The following PRORP variants were observed in gnomAD, a reference collection of about 807,000 sequenced individuals.
PRORP encodes the protein protein only RNase P catalytic subunit.
In PRORP, 51 loss-of-function variants were observed where a neutral mutation model predicts 59.4. The observed-to-expected ratio is 0.86, with a 90% CI of 0.69 to 1.08. The LOEUF (loss-of-function observed/expected upper bound fraction) is 1.08. PRORP is among the 50% of genes least tolerant of loss of function. The probability of loss-of-function intolerance (pLI) is 0.00; values close to 1 mark genes in which losing one functional copy is unlikely to be tolerated. For missense variants in PRORP, 646 were observed against 690.3 expected (o/e 0.94, Z 0.72); for synonymous variants, 231 against 245.6 (o/e 0.94, Z 0.55).
At chr14:35,225,877 T>C (rs73237002) in intron 5 of PRORP, among the ~76,000 whole-genome samples, 167 of 152,068 alleles carry the variant, frequency 1.1e-3, no homozygotes, top group African/African-American at 3.8e-3. Context: ...CGAAACCCCA[T>C]CTTTAAAAAA....
intron 4 of PRORP, among the ~76,000 whole-genome samples, chr14:35,159,865 A>G (rs2048014356): frequency 6.6e-6 from 1 of 152,190 alleles, no homozygotes; most frequent in African/African-American, 2.4e-5. Flanking sequence ...GTTTAACCAT[A>G]CTGGTAATTC....
At chr14:35,202,970 G>A (rs570753517) in intron 5 of PRORP, among the ~76,000 whole-genome samples, 1 of 152,152 alleles carries the variant, frequency 6.6e-6, no homozygotes, top group Non-Finnish European at 1.5e-5. Context: ...GATAGCACCA[G>A]TTACCTCCAA....
At chr14:35,255,867 C>T (rs1360462056) in intron 5 of PRORP, among the ~76,000 whole-genome samples, 1 of 152,034 alleles carries the variant, frequency 6.6e-6, no homozygotes, top group African/African-American at 2.4e-5. Context: ...AGATACCAGG[C>T]AATTTCAATG....
chr14:35,252,598 A>T (rs1487300796), intron 5 of PRORP, among the ~76,000 whole-genome samples: 1 of 152,138 alleles, frequency 6.6e-6, no homozygotes, highest in Non-Finnish European at 1.5e-5. Flanking sequence ...TCCAACCATG[A>T]CTGGGCTTTA....
At position 35,156,903 on chromosome 14, in the gene PRORP, C is replaced by A. The variant is rs950485377; in HGVS notation, c.1168-23767C>A. Among the ~76,000 whole-genome samples the A allele has an allele frequency of 2.0e-5, 3 of 151,032 alleles. No individual in the cohort carries two copies. The East Asian group carries it at 5.8e-4, about 29-fold the overall frequency. On this transcript the variant is annotated intron_variant, in intron 4 of 7. Transcript: ENST00000534898. ...ATAAATTAATACCTTTTTTTGTAGT[C>A]GTTGTCAATATTTCTTGCCCTAATA...
chr14:35,256,489 G>C, intron 5 of PRORP, among the ~76,000 whole-genome samples: 1 of 150,328 alleles, frequency 6.7e-6, no homozygotes, highest in Non-Finnish European at 1.5e-5. Flanking sequence ...CTGCCACCAC[G>C]CCCAACTAAT....
At position 35,178,271 on chromosome 14, in the gene PRORP, G is replaced by A. The variant is rs538101079; in HGVS notation, c.1168-2399G>A. On this transcript the variant is annotated intron_variant, in intron 4 of 7. Coordinates refer to ENST00000534898, the MANE Select transcript of PRORP (RefSeq NM_014672.4). The stretch of plus-strand genomic sequence containing the variant: ...ATGTCTATTAGGTCCGCTTGATGCC[G>A]AGCTGAGTTCAATTCCTGGATATCC... Among the ~76,000 whole-genome samples the A allele has an allele frequency of 5.9e-5, 9 of 152,270 alleles. 1 individual carries two copies. The South Asian group carries it at 1.2e-3, about 21-fold the overall frequency.
At position 35,123,549 on chromosome 14, in the gene PRORP, G is replaced by A. The variant is rs1374024878; in HGVS notation, c.304G>A (p.Asp102Asn). 1.2e-6 allele frequency: 2 copies of A among 1,614,056 alleles called. No homozygotes were observed. The highest frequency in any genetic ancestry group is 1.7e-6 in the Non-Finnish European group (2 of 1,180,046). ...ATCACAGATGAATTCTCAAACTGAA[G>A]ATCATGCCTTGGCACCTGTGAGGAA... ...ERSQMNSQTEDHALAPVRNTI... is the reference protein window; with the variant it reads ...ERSQMNSQTENHALAPVRNTI... The change falls in exon 2 of 8, where the codon GAT becomes AAT. Residue 102 changes from aspartate to asparagine, a missense_variant. Asp to Asn is a conservative substitution (Grantham distance 23). Coordinates refer to ENST00000534898, the MANE Select transcript of PRORP (RefSeq NM_014672.4).
chr14:35,198,798 C>T (rs2049069396), intron 5 of PRORP, among the ~76,000 whole-genome samples: 1 of 152,210 alleles, frequency 6.6e-6, no homozygotes, highest in African/African-American at 2.4e-5. Context: ...CTTTGGGAGG[C>T]TGAGCGGGCA....
intron 5 of PRORP, among the ~76,000 whole-genome samples, chr14:35,201,804 T>C (rs1348801771): frequency 1.3e-5 from 2 of 151,222 alleles, no homozygotes; most frequent in Non-Finnish European, 2.9e-5. Flanking sequence ...ATTGCAGGTG[T>C]GCACCACCAC....
At chr14:35,204,263 A>T (rs2049234703) in intron 5 of PRORP, among the ~76,000 whole-genome samples, 1 of 152,184 alleles carries the variant, frequency 6.6e-6, no homozygotes, top group Admixed American at 6.5e-5. Flanking sequence ...GAGAAAAAAA[A>T]ATTCTGCTTG....
chr14:35,234,026 C>T (rs1167228272), intron 5 of PRORP, among the ~76,000 whole-genome samples: 1 of 152,166 alleles, frequency 6.6e-6, no homozygotes, highest in Admixed American at 6.5e-5. Context: ...ATCTGAAAAA[C>T]ACTTATTAAT....
intron 4 of PRORP, among the ~76,000 whole-genome samples, chr14:35,152,740 C>T (rs1424573406): frequency 2.0e-5 from 3 of 151,980 alleles, no homozygotes; most frequent in Non-Finnish European, 2.9e-5. Flanking sequence ...AGACGCTCCT[C>T]ACCTCCCAGA....
chr14:35,234,493 A>G (rs1262294952), intron 5 of PRORP, among the ~76,000 whole-genome samples: 1 of 152,096 alleles, frequency 6.6e-6, no homozygotes, highest in Non-Finnish European at 1.5e-5. Flanking sequence ...TGTCATTTAT[A>G]TGATGCAGTA....
At chr14:35,157,675 C>T (rs1044438264) in intron 4 of PRORP, among the ~76,000 whole-genome samples, 7 of 152,166 alleles carry the variant, frequency 4.6e-5, no homozygotes, top group African/African-American at 1.7e-4. Flanking sequence ...CAGTGTGAGC[C>T]ACGGTGCCTG....
intron 5 of PRORP, among the ~76,000 whole-genome samples, chr14:35,256,845 A>T (rs77834706): frequency 0.01 from 1,536 of 148,628 alleles, 24 homozygotes; most frequent in South Asian, 0.061. Context: ...TTTTGTTTAT[A>T]TTTAAAATTT....
intron 4 of PRORP, among the ~76,000 whole-genome samples, chr14:35,136,314 A>G (rs1457577127): frequency 6.6e-6 from 1 of 152,108 alleles, no homozygotes; most frequent in Non-Finnish European, 1.5e-5. Context: ...GAAAGATGCC[A>G]TCTACCAAGA....
chr14:35,165,346 C>T (rs923990011), intron 4 of PRORP, among the ~76,000 whole-genome samples: 1 of 152,120 alleles, frequency 6.6e-6, no homozygotes, highest in African/African-American at 2.4e-5. Context: ...GGGTTTTGAA[C>T]CCCAAGTTCA....
intron 4 of PRORP, among the ~76,000 whole-genome samples, chr14:35,172,014 T>G (rs1394575978): frequency 6.6e-6 from 1 of 152,034 alleles, no homozygotes; most frequent in Non-Finnish European, 1.5e-5. Flanking sequence ...TGTGGAGATT[T>G]TCTTTCTTTG....
Sources: allele counts gnomAD v4.1 joint callset (sites outside exome capture counted in the v4.1 genomes callset), GRCh38; gene constraint gnomAD v4.1.1; transcripts MANE v1.5; gene names NCBI Gene and HGNC (gene_info 2026-07-23, HGNC 2026-07-21).